The following MAML2 variants were observed in gnomAD, a reference collection of about 807,000 sequenced individuals.
The protein encoded by MAML2 is mastermind like transcriptional coactivator 2.
In MAML2, 22 loss-of-function variants were observed where a neutral mutation model predicts 96.1. The ratio of observed to expected loss-of-function variants is 0.23; its 90% confidence interval spans 0.16 to 0.33. The LOEUF (loss-of-function observed/expected upper bound fraction) is 0.33, where lower values mean the gene tolerates loss of function less well. MAML2 is among the 10% of genes least tolerant of loss of function. The probability of loss-of-function intolerance (pLI) is 1.00; values close to 1 mark genes in which losing one functional copy is unlikely to be tolerated. For missense variants in MAML2, 1,367 were observed against 1,392.4 expected (o/e 0.98, Z 0.29); for synonymous variants, 561 against 521.3 (o/e 1.08, Z -1.04).
chr11:96,037,230 G>C (rs1330082478), intron 2 of MAML2, among the ~76,000 whole-genome samples: 1 of 151,970 alleles, frequency 6.6e-6, no homozygotes, highest in East Asian at 1.9e-4. Flanking sequence ...TGGCTTTGCA[G>C]TTTCCCTGCT....
chr11:96,090,399 A>G (rs943270968), intron 2 of MAML2, among the ~76,000 whole-genome samples: 8 of 152,036 alleles, frequency 5.3e-5, no homozygotes, highest in Non-Finnish European at 7.4e-5. Flanking sequence ...TTTTCAATAC[A>G]CTCCTAGGAG....
intron 1 of MAML2, among the ~76,000 whole-genome samples, chr11:96,176,234 A>C (rs1046476837): frequency 6.6e-6 from 1 of 152,170 alleles, no homozygotes; most frequent in Non-Finnish European, 1.5e-5. Context: ...TTAACCCCAC[A>C]AAGTTGTCTC....
chr11:96,162,711 C>CA (rs1432863293), intron 1 of MAML2, among the ~76,000 whole-genome samples: 1,209 of 83,440 alleles, frequency 0.014, 27 homozygotes, highest in African/African-American at 0.043. Context: ...AACTCCGTCT[C>CA]AAAAAAAGAA....
chr11:96,153,134 T>A (rs561208924), intron 1 of MAML2, among the ~76,000 whole-genome samples: 1 of 152,108 alleles, frequency 6.6e-6, no homozygotes, highest in East Asian at 1.9e-4. Context: ...TTAGGCCCCA[T>A]CTGGATTTTC....
chr11:96,096,266 A>G (rs905978275), intron 1 of MAML2, among the ~76,000 whole-genome samples: 2 of 152,060 alleles, frequency 1.3e-5, no homozygotes, highest in Admixed American at 6.6e-5. Context: ...CAGCACTCAC[A>G]CTTTCTTTAG....
chr11:96,227,757 A>G (rs939444258), intron 1 of MAML2, among the ~76,000 whole-genome samples: 16 of 152,242 alleles, frequency 1.1e-4, no homozygotes, highest in Admixed American at 6.5e-5. Flanking sequence ...ACAAGTGTTT[A>G]TTGTTGTTGC....
chr11:96,235,356 T>C (rs938278189), intron 1 of MAML2, among the ~76,000 whole-genome samples: 3 of 152,132 alleles, frequency 2.0e-5, no homozygotes, highest in African/African-American at 7.2e-5. Flanking sequence ...CAGAGCTGAG[T>C]AGTTGAGTAG....
Position 96,188,427 on chromosome 11 carries a change from G to A in MAML2, c.514-94910C>T, listed in dbSNP as rs1168756198. ...CCTTCCCTGGGGCTGTGACTGTAGA[G>A]TATTATTTTATTGACTCATAATTAA... On this transcript the variant is annotated intron_variant, in intron 1 of 4. Coordinates refer to ENST00000524717, the MANE Select transcript of MAML2 (RefSeq NM_032427.4). 5.3e-5 allele frequency among the ~76,000 whole-genome samples: 8 copies of A among 152,254 alleles called. No homozygotes were observed. In the South Asian group the frequency reaches 1.4e-3, roughly 28 times the overall value.
intron 1 of MAML2, among the ~76,000 whole-genome samples, chr11:96,206,073 CTT>C (rs879381589): frequency 3.6e-5 from 5 of 140,080 alleles, no homozygotes; most frequent in Admixed American, 7.1e-5. Flanking sequence ...TTGATTGACT[CTT>C]TTTTTTTTTT....
chr11:96,243,659 T>C (rs1862469501), intron 1 of MAML2, among the ~76,000 whole-genome samples: 1 of 149,972 alleles, frequency 6.7e-6, no homozygotes, highest in Non-Finnish European at 1.5e-5. Context: ...CTTTTTCTTT[T>C]TTTTTTTTTT....
At chr11:96,202,738 CT>C (rs1290546918) in intron 1 of MAML2, among the ~76,000 whole-genome samples, 4 of 152,050 alleles carry the variant, frequency 2.6e-5, no homozygotes, top group Non-Finnish European at 5.9e-5. Flanking sequence ...AGCGATTCTC[CT>C]GTCCTTAGCC....
chr11:96,229,114 CT>C lies in MAML2; in HGVS notation c.513+112268del, dbSNP rs559867320. On this transcript the variant is annotated intron_variant, in intron 1 of 4. Coordinates refer to ENST00000524717, the MANE Select transcript of MAML2 (RefSeq NM_032427.4). ...TCTCAGCAGAAAAATGCAACAAAGC[CT>C]TTCTTCTTACCAAATAACTTAAGAA... Among the ~76,000 whole-genome samples, 349 of 151,972 alleles carry C rather than the reference CT, an allele frequency of 2.3e-3. 4 individuals carry two copies. The highest frequency in any genetic ancestry group is 3.8e-3 in the Non-Finnish European group (256 of 67,948).
intron 1 of MAML2, among the ~76,000 whole-genome samples, chr11:96,190,856 C>T (rs556201790): frequency 6.6e-6 from 1 of 152,198 alleles, no homozygotes; most frequent in African/African-American, 2.4e-5. Flanking sequence ...GTGAAAGAGA[C>T]AATGGGGTAC....
At chr11:96,097,587 C>T (rs1196148137) in intron 1 of MAML2, among the ~76,000 whole-genome samples, 2 of 152,184 alleles carry the variant, frequency 1.3e-5, no homozygotes, top group South Asian at 2.1e-4. Context: ...ACACACAGTG[C>T]CCAGGGCTCA....
In MAML2 at chr11:95,999,974, G is replaced by A. The variant is rs543446483; in HGVS notation, c.2140-8251C>T. ...CTGTTCCTCTCGGCTATTCATCTTC[G>A]GAACTGTCTGCCGATGAAGCCATTT... On this transcript the variant is annotated intron_variant, in intron 2 of 4. Coordinates refer to ENST00000524717, the MANE Select transcript of MAML2 (RefSeq NM_032427.4). Among the ~76,000 whole-genome samples, 24 of 152,048 alleles carry A rather than the reference G, an allele frequency of 1.6e-4. 2 individuals are homozygous for A. In the South Asian group the frequency reaches 3.7e-3, roughly 24 times the overall value.
chr11:96,209,257 G>T (rs1482470243), intron 1 of MAML2, among the ~76,000 whole-genome samples: 3 of 151,656 alleles, frequency 2.0e-5, no homozygotes, highest in Non-Finnish European at 1.5e-5. Flanking sequence ...AGTCTTTTGG[G>T]ACAAGGGTAC....
intron 1 of MAML2, among the ~76,000 whole-genome samples, chr11:96,328,548 C>T (rs116007435): frequency 1.3e-5 from 2 of 151,980 alleles, no homozygotes; most frequent in Admixed American, 1.3e-4. Context: ...CCCCACGCCA[C>T]CCCCCAAGAT....
chr11:96,247,392 A>G (rs1046132562), intron 1 of MAML2, among the ~76,000 whole-genome samples: 7 of 152,110 alleles, frequency 4.6e-5, no homozygotes, highest in African/African-American at 1.7e-4. Context: ...ACTCTTGCTT[A>G]ACATCTTATA....
At chr11:96,084,938 T>C (rs1040901652) in intron 2 of MAML2, among the ~76,000 whole-genome samples, 2 of 152,178 alleles carry the variant, frequency 1.3e-5, no homozygotes, top group Non-Finnish European at 2.9e-5. Context: ...CACAGTAGAA[T>C]GAAGGGGAAA....
Sources: gnomAD v4.1 joint callset for allele counts (sites outside exome capture counted in the v4.1 genomes callset) on GRCh38, gnomAD v4.1.1 for gene constraint, MANE v1.5 for transcripts, NCBI Gene and HGNC (gene_info 2026-07-23, HGNC 2026-07-21) for gene names.